NAA11: variants seen among roughly 807,000 people sequenced by gnomAD.
The protein encoded by NAA11 is N-alpha-acetyltransferase 11.
A neutral mutation model predicts 16.1 loss-of-function variants in NAA11; 15 were observed. The observed-to-expected ratio is 0.93, with a 90% CI of 0.62 to 1.44. NAA11 has a LOEUF of 1.44. NAA11 is among the 40% of genes most tolerant of loss of function. The pLI, the probability that NAA11 is intolerant of heterozygous loss-of-function variation, is 0.00. For synonymous variants in NAA11, 122 were observed against 112.4 expected, an observed-to-expected ratio of 1.09 and a Z score of -0.54; for missense variants, 298 against 291.3, an observed-to-expected ratio of 1.02 and a Z score of -0.17.
chr4:79,266,533 T>A (rs1201863851), intron 2 of NAA11, among the ~76,000 whole-genome samples: 3 of 152,236 alleles, frequency 2.0e-5, no homozygotes, highest in Non-Finnish European at 4.4e-5. Flanking sequence ...GCCCCTGCTC[T>A]CTTACAGTTT....
intron 1 of NAA11, among the ~76,000 whole-genome samples, chr4:79,324,075 A>T (rs980922148): frequency 6.6e-6 from 1 of 152,136 alleles, no homozygotes; most frequent in African/African-American, 2.4e-5. Flanking sequence ...CACATTCGAA[A>T]GAGTAAATGG....
chr4:79,262,181 T>C (rs1190061288), intron 2 of NAA11, among the ~76,000 whole-genome samples: 2 of 152,172 alleles, frequency 1.3e-5, no homozygotes, highest in East Asian at 1.9e-4. Flanking sequence ...TTTCCAATTA[T>C]GTTAGTGGAT....
chr4:79,304,766 A>G (rs11725714), intron 1 of NAA11, among the ~76,000 whole-genome samples: 111,829 of 151,790 alleles, frequency 0.74, 42,020 homozygotes, highest in African/African-American at 0.89. Flanking sequence ...AATCTAGGTA[A>G]TGACGGTGGG....
At chr4:79,160,900 C>T in the NAA11 span, among the ~76,000 whole-genome samples, 2 of 151,682 alleles carry the variant, frequency 1.3e-5, no homozygotes, top group African/African-American at 4.8e-5. Flanking sequence ...GAAAAAAACA[C>T]CCTTGAAAAA....
the NAA11 span, among the ~76,000 whole-genome samples, chr4:79,176,706 T>C: frequency 6.6e-6 from 1 of 152,164 alleles, no homozygotes; most frequent in Non-Finnish European, 1.5e-5. Context: ...AACTGACACA[T>C]AGAATTATCT....
chr4:79,187,454 A>G, the NAA11 span, among the ~76,000 whole-genome samples: 1 of 152,220 alleles, frequency 6.6e-6, no homozygotes, highest in Non-Finnish European at 1.5e-5. Flanking sequence ...TTTTACATGG[A>G]GAAAAGTAAC....
downstream of NAA11, among the ~76,000 whole-genome samples, chr4:79,222,039 G>A (rs1286876499): frequency 6.8e-6 from 1 of 146,204 alleles, no homozygotes; most frequent in East Asian, 2.1e-4. Flanking sequence ...ATTGATTATT[G>A]CCACAATTTC....
chr4:79,170,065 T>C, the NAA11 span, among the ~76,000 whole-genome samples: 1 of 152,216 alleles, frequency 6.6e-6, no homozygotes, highest in Non-Finnish European at 1.5e-5. Context: ...GGTGGGTCTT[T>C]ATGACTGCCT....
chr4:79,157,714 A>G, the NAA11 span, among the ~76,000 whole-genome samples: 1 of 151,898 alleles, frequency 6.6e-6, no homozygotes. Flanking sequence ...TAGCCAACAT[A>G]ATACTGAATG....
chr4:79,206,469 G>A, the NAA11 span, among the ~76,000 whole-genome samples: 8 of 152,072 alleles, frequency 5.3e-5, no homozygotes, highest in African/African-American at 9.7e-5. Context: ...TCTGCTAGCC[G>A]TAATAGAGAA....
the NAA11 span, among the ~76,000 whole-genome samples, chr4:79,210,655 G>T: frequency 6.6e-6 from 1 of 151,994 alleles, no homozygotes; most frequent in African/African-American, 2.4e-5. Flanking sequence ...ATTCCTATAT[G>T]CACAGCATAT....
intron 2 of NAA11, chr4:79,227,101 A>G (rs1271484110): frequency 1.3e-5 from 2 of 151,992 alleles, no homozygotes; most frequent in Admixed American, 1.3e-4. Context: ...TTGTTTCCTG[A>G]CTTTTTAATG....
the NAA11 span, among the ~76,000 whole-genome samples, chr4:79,211,067 C>A: frequency 6.6e-6 from 1 of 152,150 alleles, no homozygotes; most frequent in Non-Finnish European, 1.5e-5. Flanking sequence ...ATCTACTCAA[C>A]CATCATAATT....
In NAA11 at chr4:79,325,863, G is replaced by GTT. The variant is rs1296829157; in HGVS notation, c.13_14dup (p.Asn5LysfsTer8). On this transcript the variant is annotated frameshift_variant, in exon 1 of 2. Coordinates refer to ENST00000286794, the MANE Select transcript of NAA11 (RefSeq NM_032693.3). LOFTEE classifies it high-confidence loss of function. The stretch of plus-strand genomic sequence containing the variant: ...TATTCATCAGGTCGTCTGGCTGAGC[G>GTT]TTGCGGATGTTCATAATGGCAGAGG... 3.1e-6 allele frequency: 5 copies of GTT among 1,608,960 alleles called. No individual in the cohort carries two copies. The African/African-American group carries it at 6.7e-5, about 21-fold the overall frequency.
the NAA11 span, among the ~76,000 whole-genome samples, chr4:79,169,122 A>G: frequency 6.6e-6 from 1 of 152,222 alleles, no homozygotes; most frequent in African/African-American, 2.4e-5. Flanking sequence ...AAACAAATGG[A>G]AAAACATCCC....
chr4:79,305,298 TC>T (rs2110006179), intron 1 of NAA11: 1 of 152,334 alleles, frequency 6.6e-6, no homozygotes, highest in Admixed American at 6.5e-5. Context: ...TAAATATTTA[TC>T]CAAAAATCTT....
chr4:79,261,325 T>A (rs1722240190), intron 2 of NAA11, among the ~76,000 whole-genome samples: 1 of 152,152 alleles, frequency 6.6e-6, no homozygotes, highest in Non-Finnish European at 1.5e-5. Flanking sequence ...TGAAACCAAG[T>A]GACTGAAACC....
chr4:79,305,386 G>A (rs1278091352), intron 1 of NAA11, among the ~76,000 whole-genome samples: 1 of 152,168 alleles, frequency 6.6e-6, no homozygotes, highest in Non-Finnish European at 1.5e-5. Context: ...AAACATGACT[G>A]CCATGGCAGT....
At chr4:79,216,693 T>G in the NAA11 span, among the ~76,000 whole-genome samples, 1 of 152,092 alleles carries the variant, frequency 6.6e-6, no homozygotes, top group South Asian at 2.1e-4. Flanking sequence ...TGACAGCAAA[T>G]AAAAAGAAAA....
Sources: gnomAD v4.1 joint callset for allele counts (sites outside exome capture counted in the v4.1 genomes callset) on GRCh38, gnomAD v4.1.1 for gene constraint, MANE v1.5 for transcripts, NCBI Gene and HGNC (gene_info 2026-07-23, HGNC 2026-07-21) for gene names.